Variants in ENTREP2 observed in about 807,000 individuals in gnomAD.
The protein encoded by ENTREP2 is protein ENTREP2.
the ENTREP2 span, among the ~76,000 whole-genome samples, chr15:29,548,453 TAA>T: frequency 1.5e-5 from 2 of 134,164 alleles, no homozygotes; most frequent in Non-Finnish European, 3.2e-5. Context: ...AGATTCTGCC[TAA>T]AAAAAAAAAA....
At chr15:29,180,590 G>A in the ENTREP2 span, among the ~76,000 whole-genome samples, 1 of 152,102 alleles carries the variant, frequency 6.6e-6, no homozygotes, top group Non-Finnish European at 1.5e-5. Flanking sequence ...CTTGAACCCA[G>A]GAGACGGAGG....
the ENTREP2 span, among the ~76,000 whole-genome samples, chr15:29,607,017 GA>G: frequency 6.6e-6 from 1 of 152,108 alleles, no homozygotes; most frequent in Non-Finnish European, 1.5e-5. Context: ...TATTATTATA[GA>G]AATGAGATTT....
chr15:29,642,582 C>G, the ENTREP2 span, among the ~76,000 whole-genome samples: 50 of 146,326 alleles, frequency 3.4e-4, no homozygotes, highest in Non-Finnish European at 6.6e-4. Context: ...TATATATATA[C>G]TATATATATA....
At chr15:29,396,686 C>T in the ENTREP2 span, among the ~76,000 whole-genome samples, 2 of 152,264 alleles carry the variant, frequency 1.3e-5, no homozygotes, top group African/African-American at 4.8e-5. Context: ...CACTGCCAAG[C>T]CCAGGGTTGT....
At chr15:29,621,392 G>A in the ENTREP2 span, among the ~76,000 whole-genome samples, 2 of 151,186 alleles carry the variant, frequency 1.3e-5, no homozygotes, top group South Asian at 2.1e-4. Context: ...GCGTGGTGGC[G>A]GGCGCCTGTA....
chr15:29,225,337 G>A, the ENTREP2 span, among the ~76,000 whole-genome samples: 4 of 152,220 alleles, frequency 2.6e-5, no homozygotes, highest in African/African-American at 9.6e-5. Flanking sequence ...CCGCCCAAGA[G>A]AAAACAAAAA....
the ENTREP2 span, among the ~76,000 whole-genome samples, chr15:29,315,608 A>G: frequency 2.6e-5 from 4 of 152,194 alleles, no homozygotes; most frequent in African/African-American, 7.2e-5. Flanking sequence ...GAGAGACCCC[A>G]CTTTAAGTAT....
At chr15:29,154,658 C>A in the ENTREP2 span, among the ~76,000 whole-genome samples, 1 of 152,166 alleles carries the variant, frequency 6.6e-6, no homozygotes, top group African/African-American at 2.4e-5. Context: ...GGAATGCCAC[C>A]CTCACTGACA....
At chr15:29,506,426 CG>C in the ENTREP2 span, among the ~76,000 whole-genome samples, 1 of 152,006 alleles carries the variant, frequency 6.6e-6, no homozygotes, top group Non-Finnish European at 1.5e-5. Flanking sequence ...AGATACTCCT[CG>C]AGAAGAGCAA....
chr15:29,370,400 G>T, the ENTREP2 span, among the ~76,000 whole-genome samples: 1 of 151,946 alleles, frequency 6.6e-6, no homozygotes, highest in African/African-American at 2.4e-5. Flanking sequence ...AATGATAAAG[G>T]CTTAATCATT....
At chr15:29,462,782 A>G in the ENTREP2 span, among the ~76,000 whole-genome samples, 74,098 of 151,914 alleles carry the variant, frequency 0.49, 18,476 homozygotes, top group Admixed American at 0.54. Flanking sequence ...GACAGTGTCA[A>G]CCCAACCAGG....
chr15:29,318,450 A>T, the ENTREP2 span, among the ~76,000 whole-genome samples: 2 of 152,048 alleles, frequency 1.3e-5, no homozygotes, highest in South Asian at 4.1e-4. Context: ...CCTCCCGAGT[A>T]GCTGGGACTA....
At chr15:29,269,099 G>A in the ENTREP2 span, 1 of 1,614,082 alleles carries the variant, frequency 6.2e-7, no homozygotes, top group Non-Finnish European at 8.5e-7. Flanking sequence ...CCTAAGCGCC[G>A]CAGAAAGTCC....
the ENTREP2 span, among the ~76,000 whole-genome samples, chr15:29,395,011 CTGAG>C: frequency 4.6e-5 from 7 of 150,878 alleles, no homozygotes. Flanking sequence ...CCTTAGCCTC[CTGAG>C]TAGCTGGGCT....
At chr15:29,352,322 A>G in the ENTREP2 span, among the ~76,000 whole-genome samples, 1 of 152,172 alleles carries the variant, frequency 6.6e-6, no homozygotes, top group Non-Finnish European at 1.5e-5. Flanking sequence ...AATCCCCAGG[A>G]ATGAAGGCGG....
the ENTREP2 span, among the ~76,000 whole-genome samples, chr15:29,238,866 G>A: frequency 6.6e-6 from 1 of 152,086 alleles, no homozygotes; most frequent in Non-Finnish European, 1.5e-5. Flanking sequence ...ACAGCTCCAA[G>A]AAGCATGGTG....
At chr15:29,473,542 G>A in the ENTREP2 span, among the ~76,000 whole-genome samples, 11 of 152,280 alleles carry the variant, frequency 7.2e-5, no homozygotes, top group Middle Eastern at 3.4e-3. Context: ...TTTAAACACC[G>A]CATGAGCTAA....
At chr15:29,122,363 A>T in the ENTREP2 span, 2 of 151,600 alleles carry the variant, frequency 1.3e-5, no homozygotes, top group Non-Finnish European at 2.9e-5. Flanking sequence ...TAAGTGGTTT[A>T]TGATCCTCCT....
chr15:29,245,941 C>T, the ENTREP2 span, among the ~76,000 whole-genome samples: 197 of 152,236 alleles, frequency 1.3e-3, no homozygotes, highest in African/African-American at 4.6e-3. Flanking sequence ...ATTTAAAGTG[C>T]ACTCATGCTC....
Sources: allele counts gnomAD v4.1 joint callset (sites outside exome capture counted in the v4.1 genomes callset), GRCh38; gene constraint gnomAD v4.1.1; transcripts MANE v1.5; gene names NCBI Gene and HGNC (gene_info 2026-07-23, HGNC 2026-07-21).